Variants in TRPM3 observed in about 807,000 individuals in gnomAD.
TRPM3 encodes long transient receptor potential channel 3.
Under a neutral mutation model 181.2 loss-of-function variants are expected in TRPM3, and 77 were observed. The observed-to-expected ratio is 0.42, with a 90% CI of 0.35 to 0.51. The LOEUF is 0.51. TRPM3 is among the 20% of genes least tolerant of loss of function. The probability of loss-of-function intolerance (pLI) is 0.01; values close to 1 mark genes in which losing one functional copy is unlikely to be tolerated. For missense variants in TRPM3, 1,759 were observed against 2,196.7 expected (o/e 0.80, Z 3.98); for synonymous variants, 745 against 796.4 (o/e 0.94, Z 1.09).
intron 1 of TRPM3, among the ~76,000 whole-genome samples, chr9:71,401,206 A>AC (rs2093335679): frequency 6.6e-6 from 1 of 151,794 alleles, no homozygotes; most frequent in Non-Finnish European, 1.5e-5. Flanking sequence ...GCAAAAAAAA[A>AC]AAAAAAAAAA....
intron 9 of TRPM3, among the ~76,000 whole-genome samples, chr9:70,650,989 A>G (rs936068519): frequency 2.0e-5 from 3 of 152,226 alleles, no homozygotes; most frequent in African/African-American, 7.2e-5. Context: ...GTTCCCCAGA[A>G]AAATTTTTCT....
intron 22 of TRPM3, among the ~76,000 whole-genome samples, chr9:70,584,146 C>G (rs73649178): frequency 4.6e-5 from 7 of 152,058 alleles, no homozygotes; most frequent in African/African-American, 1.4e-4. Flanking sequence ...CTGAAATGAT[C>G]CTCCTGCCTC....
At chr9:71,250,209 AT>A (rs1432103138) in intron 1 of TRPM3, among the ~76,000 whole-genome samples, 6 of 152,200 alleles carry the variant, frequency 3.9e-5, no homozygotes, top group African/African-American at 1.4e-4. Context: ...TTCAAATTGA[AT>A]AGCTATTTAC....
intron 1 of TRPM3, among the ~76,000 whole-genome samples, chr9:71,313,823 C>A (rs1001335609): frequency 6.6e-6 from 1 of 152,042 alleles, no homozygotes; most frequent in Admixed American, 6.6e-5. Flanking sequence ...GGAACCTTAT[C>A]ATTTTTCTGG....
intron 8 of TRPM3, among the ~76,000 whole-genome samples, chr9:70,694,043 G>A (rs2069415223): frequency 6.6e-6 from 1 of 152,250 alleles, no homozygotes; most frequent in Non-Finnish European, 1.5e-5. Flanking sequence ...TGGTGGAGCA[G>A]TGGGAGAGAG....
intron 5 of TRPM3, among the ~76,000 whole-genome samples, chr9:70,831,184 A>G (rs964958380): frequency 2.6e-5 from 4 of 152,200 alleles, no homozygotes; most frequent in Non-Finnish European, 5.9e-5. Context: ...TCCATTTAAT[A>G]TTCTTCATAG....
intron 1 of TRPM3, among the ~76,000 whole-genome samples, chr9:71,210,458 C>G (rs1235151385): frequency 6.6e-6 from 1 of 152,168 alleles, no homozygotes; most frequent in Non-Finnish European, 1.5e-5. Flanking sequence ...TGTGGGAAAA[C>G]TATCTTTCAC....
At chr9:70,598,750 T>C in intron 20 of TRPM3, 80 bp from the exon 21 acceptor site, 1 of 1,525,476 alleles carries the variant, frequency 6.6e-7, no homozygotes, top group South Asian at 1.2e-5. Flanking sequence ...CTTGGTCTGT[T>C]GGCTGATGTT....
chr9:71,404,976 C>A (rs544222699), intron 1 of TRPM3, among the ~76,000 whole-genome samples: 15 of 152,290 alleles, frequency 9.8e-5, no homozygotes, highest in Admixed American at 1.3e-4. Flanking sequence ...TGGTCCATGA[C>A]CCCTTCGGCT....
At chr9:71,164,854 C>A (rs965266696) in intron 1 of TRPM3, among the ~76,000 whole-genome samples, 7 of 152,160 alleles carry the variant, frequency 4.6e-5, no homozygotes, top group African/African-American at 1.7e-4. Flanking sequence ...GCAGGAATTG[C>A]TTTAATGTGC....
At chr9:70,610,212 C>T (rs2061800283) in intron 19 of TRPM3, among the ~76,000 whole-genome samples, 1 of 152,210 alleles carries the variant, frequency 6.6e-6, no homozygotes, top group South Asian at 2.1e-4. Context: ...CCACACTCTC[C>T]TCACTCCTTA....
intron 19 of TRPM3, among the ~76,000 whole-genome samples, chr9:70,606,161 C>T (rs538225260): frequency 1.3e-5 from 2 of 152,290 alleles, no homozygotes; most frequent in Middle Eastern, 3.4e-3. Flanking sequence ...TTCCACTTTC[C>T]TTATAGGGCC....
At chr9:71,281,448 A>C (rs1161069418) in intron 1 of TRPM3, among the ~76,000 whole-genome samples, 1 of 152,146 alleles carries the variant, frequency 6.6e-6, no homozygotes, top group Non-Finnish European at 1.5e-5. Flanking sequence ...TTTCTGGAAT[A>C]AGGCTCCTTG....
At chr9:70,664,898 C>G (rs1037541513) in intron 9 of TRPM3, among the ~76,000 whole-genome samples, 2 of 152,078 alleles carry the variant, frequency 1.3e-5, no homozygotes, top group African/African-American at 2.4e-5. Flanking sequence ...GATCCACCCC[C>G]CTCAGCCTCC....
At chr9:70,675,813 C>T (rs1248391274) in intron 9 of TRPM3, among the ~76,000 whole-genome samples, 2 of 152,112 alleles carry the variant, frequency 1.3e-5, no homozygotes, top group African/African-American at 4.8e-5. Context: ...CCAAAGATCG[C>T]TATCTCCTTT....
chr9:70,953,703 T>A (rs1359665382), intron 1 of TRPM3, among the ~76,000 whole-genome samples: 4 of 152,114 alleles, frequency 2.6e-5, no homozygotes, highest in Admixed American at 2.6e-4. Flanking sequence ...TGTGTACATA[T>A]AAGCCACAAG....
At chr9:71,192,541 G>C (rs990597002) in intron 1 of TRPM3, among the ~76,000 whole-genome samples, 20 of 151,748 alleles carry the variant, frequency 1.3e-4, no homozygotes, top group African/African-American at 4.8e-4. Flanking sequence ...CATACTTGTT[G>C]GCTATTTGTA....
At chr9:71,114,104 T>G (rs1357669023) in intron 1 of TRPM3, among the ~76,000 whole-genome samples, 1 of 152,150 alleles carries the variant, frequency 6.6e-6, no homozygotes, top group Non-Finnish European at 1.5e-5. Context: ...CTACCTTCCT[T>G]ATCAGTTATC....
chr9:71,395,039 G>A (rs1370491571), intron 1 of TRPM3, among the ~76,000 whole-genome samples: 2 of 152,124 alleles, frequency 1.3e-5, no homozygotes, highest in Non-Finnish European at 2.9e-5. Context: ...CAAAAGCCAG[G>A]GATGCTAAAC....
Sources: gnomAD v4.1 joint callset for allele counts (sites outside exome capture counted in the v4.1 genomes callset) on GRCh38, gnomAD v4.1.1 for gene constraint, MANE v1.5 for transcripts, NCBI Gene and HGNC (gene_info 2026-07-23, HGNC 2026-07-21) for gene names.